Variants in TNKS1BP1 observed in about 807,000 individuals in gnomAD.
TNKS1BP1 encodes CCR4-NOT transcription complex subunit 12, also known as 182 kDa tankyrase-1-binding protein.
In TNKS1BP1, 48 loss-of-function variants were observed where a neutral mutation model predicts 141.1. The observed-to-expected ratio is 0.34, with a 90% CI of 0.27 to 0.43. The LOEUF is 0.43. Among genes scored for constraint, TNKS1BP1 ranks in the 20% least tolerant of loss-of-function variants. TNKS1BP1 has a pLI of 1.00. For synonymous variants in TNKS1BP1, 875 were observed against 898.2 expected (o/e 0.97, Z 0.46); for missense variants, 2,149 against 2,226.0 (o/e 0.97, Z 0.70).
rs375862627 is a variant in TNKS1BP1 at position 57,310,253 on chromosome 11, C to T, written c.2458G>A (p.Ala820Thr). 1 of 1,614,054 alleles carries T rather than the reference C, an allele frequency of 6.2e-7. No homozygotes were observed. Among genetic ancestry groups the T allele is most frequent in the African/African-American group, 1.3e-5 (1 of 74,936 alleles). ...SKVSAPGVLTAQDRVVGKPAQ... is the reference protein window; with the variant it reads ...SKVSAPGVLTTQDRVVGKPAQ... Reference sequence around the variant, plus strand: ...GGCTTTCCAACTACCCGGTCCTGGGCTGTGAGCACCCCTGGGGCAGACACT... The same window carrying T: ...GGCTTTCCAACTACCCGGTCCTGGGTTGTGAGCACCCCTGGGGCAGACACT... Residue 820 changes from alanine to threonine, a missense_variant, in exon 6 of 12, where the codon GCC (alanine) becomes ACC (threonine). Transcript: ENST00000358252.
intron 11 of TNKS1BP1, 146 bp downstream of exon 11, chr11:57,300,382 G>A (rs186756006): frequency 6.4e-5 from 44 of 692,838 alleles, no homozygotes; most frequent in African/African-American, 5.1e-4. Context: ...AGGGCCTACC[G>A]AGTCTCTGGA....
chr11:57,310,502 C>T lies in TNKS1BP1; in HGVS notation c.2209G>A (p.Asp737Asn). Residue 737 changes from aspartate to asparagine, a missense_variant, in exon 6 of 12, where the codon GAC becomes AAC. Asp to Asn is a conservative substitution (Grantham distance 23, BLOSUM62 1). Coordinates refer to ENST00000358252, the MANE Select transcript of TNKS1BP1 (RefSeq NM_033396.3). ...GGACTGAAACTGCTGGGCTGTGGGT[C>T]TCCTGTGATCCCAAATTCACTCTGC... is the stretch of plus-strand genomic sequence containing the variant. ...DLQSEFGITG[D>N]PQPSSFSPSS... is the part of the protein sequence containing the mutation. The T allele has an allele frequency of 5.0e-6, 8 of 1,609,928 alleles. No homozygotes were observed. Among genetic ancestry groups the T allele is most frequent in the Admixed American group, 1.7e-5 (1 of 60,030 alleles).
chr11:57,307,315 T>A (rs745419258), intron 6 of TNKS1BP1, among the ~76,000 whole-genome samples: 11 of 152,054 alleles, frequency 7.2e-5, no homozygotes, highest in Non-Finnish European at 1.3e-4. Context: ...CGCCCTCCCC[T>A]CGTCCCTGCA....
chr11:57,312,706 G>A lies in TNKS1BP1; in HGVS notation c.1982C>T (p.Ala661Val). The A allele has an allele frequency of 6.4e-7, 1 of 1,574,674 alleles. No individual in the cohort carries two copies. The highest frequency in any genetic ancestry group is 8.6e-7 in the Non-Finnish European group (1 of 1,159,390). ...VTLARAETTQ[A>V]RTEAQDLCRA... is the part of the protein sequence containing the mutation. ...ACACAAGTCTTGAGCCTCTGTCCTGGCTTGGGTGGTCTCAGCCCGGGCTAG... is the reference window on the plus strand; with the variant it reads ...ACACAAGTCTTGAGCCTCTGTCCTGACTTGGGTGGTCTCAGCCCGGGCTAG... Residue 661 changes from alanine to valine, a missense_variant, in exon 5 of 12, where the codon GCC becomes GTC. Coordinates refer to ENST00000358252, the MANE Select transcript of TNKS1BP1 (RefSeq NM_033396.3).
rs922029006 is a variant in TNKS1BP1 at position 57,309,804 on chromosome 11, G to C, written c.2907C>G (p.Thr969=). The change falls in exon 6 of 12, where the codon ACC becomes ACG. Residue 969 remains threonine, a synonymous_variant. Coordinates refer to ENST00000358252, the MANE Select transcript of TNKS1BP1 (RefSeq NM_033396.3). This position sits in a 1 kb window ranked among gnomAD's most constrained non-coding sequence, Gnocchi z 4.3. The part of the protein sequence containing the change: ...RDYSSGGSSR[T]LDAQDRSFGT... The stretch of plus-strand genomic sequence containing the variant: ...CAAAGCTTCTGTCCTGGGCGTCAAG[G>C]GTCCTGGAGCTGCCACCACTGCTGT... The C allele has an allele frequency of 2.5e-6, 4 of 1,614,024 alleles. No individual in the cohort carries two copies. Among genetic ancestry groups the C allele is most frequent in the Non-Finnish European group, 3.4e-6 (4 of 1,180,026 alleles).
rs757705981 is a variant in TNKS1BP1, at chr11:57,300,993, C to G, written c.5020G>C (p.Glu1674Gln). Reference protein sequence around the residue: ...NRSAEEGELAESKSSQKESAV... With the variant: ...NRSAEEGELAQSKSSQKESAV... Reference sequence around the variant, plus strand: ...GACTCCTTCTGGCTCGACTTGCTCTCAGCCAGCTCTCCCTCCTCAGCTGAG... The same window carrying G: ...GACTCCTTCTGGCTCGACTTGCTCTGAGCCAGCTCTCCCTCCTCAGCTGAG... The change falls in exon 10 of 12, where the codon GAG becomes CAG. Residue 1674 changes from glutamate to glutamine, a missense_variant. By Grantham distance (29) the Glu-to-Gln change is conservative. Coordinates refer to ENST00000358252, the MANE Select transcript of TNKS1BP1 (RefSeq NM_033396.3). 2 of 1,614,122 alleles carry G rather than the reference C, an allele frequency of 1.2e-6. No individual in the cohort carries two copies. The highest frequency in any genetic ancestry group is 2.2e-5 in the South Asian group (2 of 91,082).
rs759021509 is a variant in TNKS1BP1 at position 57,312,606 on chromosome 11, G to A, written c.2082C>T (p.Pro694=). ...CTCCCCGCCTTGCACCGCCACCACT[G>A]GGTGGTGGTGAAGCCAGGAGGTCGT... ...WLDDLLASPP[P]SGGGARRGAG... Residue 694 remains proline, a synonymous_variant, in exon 5 of 12, where the codon CCC becomes CCT. Transcript: ENST00000358252. The A allele has an allele frequency of 2.1e-5, 33 of 1,554,236 alleles. No individual in the cohort carries two copies. The Admixed American group carries it at 5.9e-4, about 28-fold the overall frequency.
chr11:57,324,039 C>T (rs1325272910), intron 1 of TNKS1BP1, among the ~76,000 whole-genome samples: 2 of 152,186 alleles, frequency 1.3e-5, no homozygotes, highest in African/African-American at 4.8e-5. Flanking sequence ...CGGTTCTGAG[C>T]ACTCCCCACC....
intron 3 of TNKS1BP1, 119 bp from the exon 4 acceptor site, chr11:57,318,006 G>T: frequency 1.1e-6 from 1 of 892,456 alleles, no homozygotes; most frequent in Non-Finnish European, 1.8e-6. Flanking sequence ...AACCCTCCTA[G>T]CCATTTACTC....
Position 57,310,545 on chromosome 11 carries a change from G to C in TNKS1BP1, c.2166C>G (p.Gly722=). Residue 722 remains glycine, a synonymous_variant, in exon 6 of 12, where the codon GGC becomes GGG. Coordinates refer to ENST00000358252, the MANE Select transcript of TNKS1BP1 (RefSeq NM_033396.3). Reference sequence around the variant, plus strand: ...CACTCTGCAGATCTTTCTGGGACCAGCCAAGGAGTCCCTGGGAATAAGAAA... The same window carrying C: ...CACTCTGCAGATCTTTCTGGGACCACCCAAGGAGTCCCTGGGAATAAGAAA... ...SPSTCSEGLL[G]WSQKDLQSEF... 6.3e-7 allele frequency: 1 copy of C among 1,599,232 alleles called. No individual in the cohort carries two copies. The highest frequency in any genetic ancestry group is 2.2e-5 in the East Asian group (1 of 44,800).
chr11:57,300,165 C>T (rs931051336), intron 11 of TNKS1BP1, 84 bp from the exon 12 acceptor site: 22 of 220,336 alleles, frequency 1.0e-4, no homozygotes, highest in African/African-American at 4.8e-4. Context: ...ATCTTGGTGC[C>T]CCCAGCTAAG....
chr11:57,309,982 C>T lies in TNKS1BP1; in HGVS notation c.2729G>A (p.Gly910Glu). The T allele has an allele frequency of 6.2e-7, 1 of 1,614,076 alleles. No homozygotes were observed. Among genetic ancestry groups the T allele is most frequent in the Non-Finnish European group, 8.5e-7 (1 of 1,179,932 alleles). Residue 910 changes from glycine to glutamate, a missense_variant, in exon 6 of 12, where the codon GGG (glycine) becomes GAG (glutamate). Gly to Glu is a moderately conservative substitution (Grantham distance 98). Transcript: ENST00000358252. The surrounding 1 kb of genome is among the most constrained non-coding windows in gnomAD (Gnocchi z 4.3). The part of the protein sequence containing the change: ...QDANEQGQDL[G>E]KRDHHGRYSS... Reference sequence around the variant, plus strand: ...GTACCTACCATGGTGGTCCCTCTTCCCCAAATCTTGGCCCTGCTCGTTGGC... The same window carrying T: ...GTACCTACCATGGTGGTCCCTCTTCTCCAAATCTTGGCCCTGCTCGTTGGC...
At chr11:57,305,524 C>A (rs1855596001) in intron 6 of TNKS1BP1, among the ~76,000 whole-genome samples, 1 of 152,110 alleles carries the variant, frequency 6.6e-6, no homozygotes, top group Non-Finnish European at 1.5e-5. Context: ...GCTGGAACTA[C>A]AAAACGTGAA....
intron 1 of TNKS1BP1, among the ~76,000 whole-genome samples, chr11:57,323,718 CA>C (rs1855919220): frequency 6.6e-6 from 1 of 152,132 alleles, no homozygotes; most frequent in Non-Finnish European, 1.5e-5. Context: ...AGAGCCAGGC[CA>C]AGTGTGGTGG....
chr11:57,312,355 C>T (rs749769356), intron 5 of TNKS1BP1, among the ~76,000 whole-genome samples, 179 bp downstream of exon 5: 2 of 152,070 alleles, frequency 1.3e-5, no homozygotes, highest in Non-Finnish European at 2.9e-5. Flanking sequence ...TCACACGAAA[C>T]CCCACACACA....
At position 57,313,282 on chromosome 11, in the gene TNKS1BP1, T is replaced by A. The variant is rs752959767; in HGVS notation, c.1406A>T (p.Asn469Ile). ...ALDRPFGAES[N>I]WSLSQSFEWT... is the part of the protein sequence containing the mutation. The stretch of plus-strand genomic sequence containing the variant: ...TTCGAAGGACTGTGATAAGCTCCAG[T>A]TGGACTCTGCCCCAAAGGGACGATC... Residue 469 changes from asparagine (N) to isoleucine (I), a missense_variant, in exon 5 of 12, where the codon AAC becomes ATC. By Grantham distance (149) the Asn-to-Ile change is moderately radical. Transcript: ENST00000358252. The A allele has an allele frequency of 6.2e-7, 1 of 1,612,978 alleles. No homozygotes were observed. Among genetic ancestry groups the A allele is most frequent in the Admixed American group, 1.7e-5 (1 of 60,026 alleles).
intron 2 of TNKS1BP1, among the ~76,000 whole-genome samples, chr11:57,321,185 C>G (rs1343923325): frequency 6.6e-6 from 1 of 152,138 alleles, no homozygotes. Flanking sequence ...GCTTCTCTAT[C>G]CTGCCTCCAG....
chr11:57,300,758 T>C lies in TNKS1BP1; in HGVS notation c.5129+126A>G, dbSNP rs532006574. The C allele has an allele frequency of 8.7e-6, 13 of 1,498,714 alleles. No homozygotes were observed. In the East Asian group the frequency reaches 1.4e-4, roughly 16 times the overall value. 92.8% of individuals were successfully genotyped at this position (1,498,714 alleles called of 1,614,324 possible). A position where few individuals can be genotyped will look rare whatever the true frequency, so the allele number is the denominator to read the frequency against. The stretch of plus-strand genomic sequence containing the variant: ...TCTGACACCATCTTCATACCGTTCA[T>C]CTGGGGCATGTCCGACTGAGGTTCC... On this transcript the variant is annotated intron_variant, in intron 10 of 11. Transcript: ENST00000358252.
chr11:57,305,057 AG>A (rs1855588091), intron 6 of TNKS1BP1, among the ~76,000 whole-genome samples: 1 of 151,870 alleles, frequency 6.6e-6, no homozygotes, highest in African/African-American at 2.4e-5. Context: ...ACCCCATCTT[AG>A]AAGCAGCTTT....
Sources: gnomAD v4.1 joint callset for allele counts (sites outside exome capture counted in the v4.1 genomes callset) on GRCh38, gnomAD v4.1.1 for gene constraint, Gnocchi (gnomAD v3.1) non-coding constraint, MANE v1.5 for transcripts, NCBI Gene and HGNC (gene_info 2026-07-23, HGNC 2026-07-21) for gene names.